ST3GAL3: variants seen among roughly 807,000 people sequenced by gnomAD.
The protein encoded by ST3GAL3 is CMP-N-acetylneuraminate-beta-1,4-galactoside alpha-2,3-sialyltransferase.
In ST3GAL3, 21 loss-of-function variants were observed where a neutral mutation model predicts 50.1. The ratio of observed to expected loss-of-function variants is 0.42; its 90% CI spans 0.30 to 0.60. The LOEUF is 0.60. Among genes scored for constraint, ST3GAL3 ranks in the 20% least tolerant of loss-of-function variants. The probability of loss-of-function intolerance (pLI) is 0.19; values close to 1 mark genes in which losing one functional copy is unlikely to be tolerated. For synonymous variants in ST3GAL3, 183 were observed against 190.0 expected, an observed-to-expected ratio of 0.96 and a Z score of 0.30; for missense variants, 353 against 489.4, an observed-to-expected ratio of 0.72 and a Z score of 2.63.
intron 2 of ST3GAL3, among the ~76,000 whole-genome samples, chr1:43,740,203 A>T (rs1680238720): frequency 6.6e-6 from 1 of 152,028 alleles, no homozygotes; most frequent in East Asian, 1.9e-4. Flanking sequence ...CTCTATTAAA[A>T]ATACAAAAAA....
chr1:43,782,532 T>C (rs927431856), intron 2 of ST3GAL3, among the ~76,000 whole-genome samples: 2 of 149,168 alleles, frequency 1.3e-5, no homozygotes, highest in Admixed American at 6.7e-5. Context: ...CAAAACCCCA[T>C]CTGGTCTGCT....
At chr1:43,869,030 G>A (rs537352473) in intron 5 of ST3GAL3, among the ~76,000 whole-genome samples, 1 of 152,166 alleles carries the variant, frequency 6.6e-6, no homozygotes, top group East Asian at 1.9e-4. Context: ...TGCCTCTTTG[G>A]GCCTATCTTC....
intron 2 of ST3GAL3, among the ~76,000 whole-genome samples, chr1:43,747,561 A>ATTTT (rs71579307): frequency 5.5e-5 from 5 of 90,614 alleles, no homozygotes; most frequent in African/African-American, 1.9e-4. Flanking sequence ...TAGCTCAGGG[A>ATTTT]TTTTTTTTTT....
At chr1:43,906,803 A>T in intron 9 of ST3GAL3, among the ~76,000 whole-genome samples, 1 of 152,178 alleles carries the variant, frequency 6.6e-6, no homozygotes, top group East Asian at 1.9e-4. Context: ...GAATTCATTC[A>T]GTTCTCATAA....
Position 43,810,060 on chromosome 1 carries a change from A to G in ST3GAL3, c.167-4831A>G, listed in dbSNP as rs548342917. ...ATAGAGTGAAACATTACTGGGGAAA[A>G]AAAATGAACAGACCACTGGTGAGCT... On this transcript the variant is annotated intron_variant, in intron 3 of 11. Coordinates refer to ENST00000347631, the MANE Select transcript of ST3GAL3 (RefSeq NM_006279.5). Among the ~76,000 whole-genome samples, 4 of 152,108 alleles carry G rather than the reference A, an allele frequency of 2.6e-5. No individual in the cohort carries two copies. The South Asian group carries it at 6.2e-4, about 24-fold the overall frequency.
intron 6 of ST3GAL3, chr1:43,896,909 CT>C (rs938641333): frequency 6.6e-6 from 1 of 151,870 alleles, no homozygotes; most frequent in African/African-American, 2.4e-5. Flanking sequence ...TCTTACATGT[CT>C]TTAGACTTTA....
At chr1:43,886,160 C>T (rs1177379276) in intron 5 of ST3GAL3, among the ~76,000 whole-genome samples, 1 of 152,222 alleles carries the variant, frequency 6.6e-6, no homozygotes, top group East Asian at 1.9e-4. Context: ...GCGGGCAGAT[C>T]ACCTGAGGTC....
intron 1 of ST3GAL3, among the ~76,000 whole-genome samples, chr1:43,734,261 GTTTTC>G (rs988444938): frequency 2.8e-4 from 38 of 138,176 alleles, no homozygotes; most frequent in African/African-American, 9.0e-4. Context: ...TTCACTTTAT[GTTTTC>G]TTTTCTTTCT....
chr1:43,709,364 A>G (rs1663375969), intron 1 of ST3GAL3: 1 of 152,120 alleles, frequency 6.6e-6, no homozygotes, highest in Non-Finnish European at 1.5e-5. Context: ...ATACAGTAAC[A>G]CTTTACTTGT....
At chr1:43,865,020 A>T (rs1338090113) in intron 5 of ST3GAL3, among the ~76,000 whole-genome samples, 15 of 143,668 alleles carry the variant, frequency 1.0e-4, no homozygotes, top group African/African-American at 3.6e-4. Flanking sequence ...TATGTACAAC[A>T]TTTTTTTTTT....
chr1:43,729,089 C>CTTTT (rs71914132), intron 1 of ST3GAL3, among the ~76,000 whole-genome samples: 11 of 117,440 alleles, frequency 9.4e-5, no homozygotes, highest in African/African-American at 1.6e-4. Context: ...AATTATTTTT[C>CTTTT]TTTTTTTTTT....
At chr1:43,917,617 T>TA (rs1365248994) in intron 9 of ST3GAL3, among the ~76,000 whole-genome samples, 2 of 54,584 alleles carry the variant, frequency 3.7e-5, no homozygotes, top group Non-Finnish European at 6.8e-5. Flanking sequence ...ATATTATATA[T>TA]TATATTATAT....
intron 5 of ST3GAL3, chr1:43,841,567 G>C (rs1197919330): frequency 6.6e-6 from 1 of 152,294 alleles, no homozygotes. Context: ...AATGTGGGGA[G>C]CAGTGTCCTG....
chr1:43,719,793 T>C (rs1443208315), intron 1 of ST3GAL3, among the ~76,000 whole-genome samples: 1 of 151,048 alleles, frequency 6.6e-6, no homozygotes, highest in African/African-American at 2.4e-5. Flanking sequence ...ATTAGCCGGG[T>C]ATGGTGGCAT....
intron 1 of ST3GAL3, among the ~76,000 whole-genome samples, chr1:43,735,698 C>T (rs533513337): frequency 6.6e-6 from 1 of 152,316 alleles, no homozygotes; most frequent in South Asian, 2.1e-4. Context: ...CAGATTTTGG[C>T]CTTCAGAACT....
chr1:43,836,882 G>A (rs1380806711), intron 4 of ST3GAL3, among the ~76,000 whole-genome samples: 1 of 152,246 alleles, frequency 6.6e-6, no homozygotes, highest in Non-Finnish European at 1.5e-5. Context: ...ACCCAAAGAT[G>A]TGAGGTGGCA....
chr1:43,916,729 C>T (rs935945077), intron 9 of ST3GAL3: 3 of 152,140 alleles, frequency 2.0e-5, no homozygotes, highest in Non-Finnish European at 4.4e-5. Context: ...ACCACAGCCT[C>T]ATGCCCAGCT....
intron 5 of ST3GAL3, among the ~76,000 whole-genome samples, chr1:43,875,897 C>CTCT (rs66500354): frequency 1.2e-3 from 158 of 134,030 alleles, no homozygotes; most frequent in South Asian, 3.5e-3. Context: ...TTTAGAATTT[C>CTCT]TCTTCTTCTT....
At chr1:43,893,592 C>T (rs1161661860) in intron 5 of ST3GAL3, among the ~76,000 whole-genome samples, 1 of 152,160 alleles carries the variant, frequency 6.6e-6, no homozygotes, top group Non-Finnish European at 1.5e-5. Context: ...CCTGCCCATT[C>T]CAAGAAGAGT....
Sources: allele counts gnomAD v4.1 joint callset (sites outside exome capture counted in the v4.1 genomes callset), GRCh38; gene constraint gnomAD v4.1.1; transcripts MANE v1.5; gene names NCBI Gene and HGNC (gene_info 2026-07-23, HGNC 2026-07-21).